MAG: variants seen among roughly 807,000 people sequenced by gnomAD.
The protein encoded by MAG is myelin associated glycoprotein.
MAG carries 30 observed loss-of-function variants against 60.7 expected under a neutral mutation model. The observed-to-expected ratio is 0.49, with a 90% CI of 0.37 to 0.67. MAG has a LOEUF of 0.67. MAG is among the 30% of genes least tolerant of loss of function. The pLI is 0.00. For synonymous variants in MAG, 384 were observed against 376.8 expected (o/e 1.02, Z -0.22); for missense variants, 795 against 851.7 (o/e 0.93, Z 0.83).
At chr19:35,312,157 T>C in intron 10 of MAG, 140 bp downstream of exon 10, 3 of 1,256,546 alleles carry the variant, frequency 2.4e-6, no homozygotes, top group South Asian at 2.4e-5. Flanking sequence ...CAGGGCTGGG[T>C]TGGACCTGGA....
rs187486614 is a variant in MAG at position 35,307,889 on chromosome 19, G to A, written c.1232-1985G>A. On this transcript the variant is annotated intron_variant, in intron 7 of 10. Transcript: ENST00000392213. ...GGGCCGGGGTTCAAGGCGGCTTTAG[G>A]GGAGGAAGTGGGGGGCATCTGCAGC... Among the ~76,000 whole-genome samples, 4 of 150,694 alleles carry A rather than the reference G, an allele frequency of 2.7e-5. No individual in the cohort carries two copies. In the South Asian group the frequency reaches 6.2e-4, roughly 24 times the overall value.
intron 9 of MAG, 88 bp from the exon 10 acceptor site, chr19:35,311,830 C>CCAGAGTTCTGA: frequency 1.2e-6 from 1 of 854,574 alleles, no homozygotes. Flanking sequence ...GGTGGGAGAA[C>CCAGAGTTCTGA]TCTGAGGTCC....
At chr19:35,294,859 A>C (rs2066384062) in intron 2 of MAG, among the ~76,000 whole-genome samples, 1 of 152,186 alleles carries the variant, frequency 6.6e-6, no homozygotes, top group Non-Finnish European at 1.5e-5. Flanking sequence ...GGATCGCTTA[A>C]GCCTGGCAGA....
Position 35,300,391 on chromosome 19 carries a change from G to C in MAG, c.957G>C (p.Gly319=), listed in dbSNP as rs200319885. ...NAYGQDNRTV[G]LSVMYAPWKP... ...ATGGCCAGGACAACCGCACCGTGGG[G>C]CTCAGTGTCATGTGTGAGTGGCCCA... Residue 319 remains glycine, a synonymous_variant, in exon 6 of 11, where the codon GGG becomes GGC. Transcript: ENST00000392213. 1.1e-4 allele frequency: 181 copies of C among 1,574,100 alleles called. No individual in the cohort carries two copies. Among genetic ancestry groups the C allele is most frequent in the African/African-American group, 2.3e-4 (17 of 74,674 alleles).
intron 7 of MAG, among the ~76,000 whole-genome samples, chr19:35,309,074 G>GGT (rs2066505557): frequency 6.6e-6 from 1 of 152,194 alleles, no homozygotes; most frequent in Non-Finnish European, 1.5e-5. Flanking sequence ...TGTATTACAA[G>GGT]GTGAATGAGG....
At chr19:35,309,742 A>C in intron 7 of MAG, 132 bp from the exon 8 acceptor site, 3 of 919,050 alleles carry the variant, frequency 3.3e-6, no homozygotes, top group Non-Finnish European at 5.0e-6. Flanking sequence ...AAGGAGGGGA[A>C]ATTGGAGGGC....
intron 6 of MAG, among the ~76,000 whole-genome samples, chr19:35,302,035 T>C (rs1274939558): frequency 6.6e-6 from 1 of 152,210 alleles, no homozygotes; most frequent in Non-Finnish European, 1.5e-5. Flanking sequence ...TCTTCCCATC[T>C]TACAAATTAC....
intron 9 of MAG, 83 bp downstream of exon 9, chr19:35,310,726 G>T: frequency 8.4e-7 from 1 of 1,187,338 alleles, no homozygotes; most frequent in Non-Finnish European, 1.2e-6. Flanking sequence ...GAGTGGGTGG[G>T]GGAAGGCAGC....
rs1719652172 is a variant in MAG, at chr19:35,309,970, C to T, written c.1328C>T (p.Ala443Val). The change falls in exon 8 of 11, where the codon GCC (alanine) becomes GTC (valine). Residue 443 changes from alanine (A) to valine (V), a missense_variant. By Grantham distance (64) the Ala-to-Val change is moderately conservative (BLOSUM62 0). Coordinates refer to ENST00000392213, the MANE Select transcript of MAG (RefSeq NM_002361.4). ...AAGTCCAACCCGGAGCCGTCCGTGGCCTTTGAGCTGCCATCGCGCAATGTG... is the reference window on the plus strand; with the variant it reads ...AAGTCCAACCCGGAGCCGTCCGTGGTCTTTGAGCTGCCATCGCGCAATGTG... ...VVKSNPEPSV[A>V]FELPSRNVTV... is the part of the protein sequence containing the mutation. 6.2e-7 allele frequency: 1 copy of T among 1,614,034 alleles called. No individual in the cohort carries two copies. Among genetic ancestry groups the T allele is most frequent in the Non-Finnish European group, 8.5e-7 (1 of 1,179,936 alleles).
chr19:35,313,183 T>G, intron 10 of MAG, 107 bp from the exon 11 acceptor site: 12 of 1,212,078 alleles, frequency 9.9e-6, no homozygotes, highest in East Asian at 2.6e-5. Context: ...CTCGCAGGGA[T>G]TTATTTGGGA....
intron 7 of MAG, among the ~76,000 whole-genome samples, chr19:35,308,326 C>T (rs750681929): frequency 2.0e-5 from 3 of 152,208 alleles, no homozygotes; most frequent in Admixed American, 6.5e-5. Flanking sequence ...GAAAGCTCCA[C>T]GATTTTCAGA....
chr19:35,300,067 G>A, intron 5 of MAG, 80 bp from the exon 6 acceptor site: 1 of 1,440,060 alleles, frequency 6.9e-7, no homozygotes, highest in Non-Finnish European at 9.1e-7. Flanking sequence ...ACAGTGTTGG[G>A]GGCGGGGCCG....
chr19:35,313,391 C>T lies in MAG; in HGVS notation c.1818C>T (p.Pro606=). Residue 606 remains proline (P), a synonymous_variant, in exon 11 of 11, where the codon CCC becomes CCT. Coordinates refer to ENST00000392213, the MANE Select transcript of MAG (RefSeq NM_002361.4). The stretch of plus-strand genomic sequence containing the variant: ...CTCACTCGGACCTGGGGAAACGGCC[C>T]ACCAAGGACAGCTACACGCTGACGG... ...SYSHSDLGKR[P]TKDSYTLTEE... is the part of the protein sequence containing the mutation. The T allele has an allele frequency of 6.2e-7, 1 of 1,614,100 alleles. No homozygotes were observed. The highest frequency in any genetic ancestry group is 8.5e-7 in the Non-Finnish European group (1 of 1,179,984).
At chr19:35,299,992 G>T (rs1472954261) in intron 5 of MAG, 142 bp downstream of exon 5, 112 of 1,022,782 alleles carry the variant, frequency 1.1e-4, no homozygotes, top group Non-Finnish European at 1.3e-4. Flanking sequence ...GGATTGGGGG[G>T]TTGGGTGGGA....
chr19:35,306,316 C>G (rs961768636), intron 7 of MAG, among the ~76,000 whole-genome samples: 14 of 152,076 alleles, frequency 9.2e-5, no homozygotes, highest in Non-Finnish European at 1.6e-4. Flanking sequence ...TTCCTTTGGA[C>G]TCCAGGTTAA....
chr19:35,303,476 A>G (rs1366896871), intron 7 of MAG, among the ~76,000 whole-genome samples: 1 of 152,170 alleles, frequency 6.6e-6, no homozygotes, highest in Admixed American at 6.6e-5. Context: ...CTAAGTTCCC[A>G]CAGCCAGGAA....
chr19:35,294,416 C>T, intron 2 of MAG, 126 bp downstream of exon 2: 1 of 389,610 alleles, frequency 2.6e-6, no homozygotes, highest in South Asian at 1.9e-5. Flanking sequence ...TAATGATCAG[C>T]ACATCATCAC....
chr19:35,303,741 G>A lies in MAG; in HGVS notation c.1231+1033G>A, dbSNP rs540720181. 9.1e-4 allele frequency among the ~76,000 whole-genome samples: 139 copies of A among 152,146 alleles called. 2 individuals carry two copies. Among genetic ancestry groups the A allele is most frequent in the Non-Finnish European group, 5.4e-4 (37 of 67,996 alleles). ...TGTCTTGGAAATGAAACTCACCATT[G>A]CACCGCTGGCCAGCGCCTCTCATCT... On this transcript the variant is annotated intron_variant, in intron 7 of 10. Transcript: ENST00000392213.
At position 35,310,589 on chromosome 19, in the gene MAG, T is replaced by G. The variant is rs200859403; in HGVS notation, c.1562T>G (p.Val521Gly). ...WAKIGPVGAV[V>G]AFAILIAIVC... The stretch of plus-strand genomic sequence containing the variant: ...AAGATCGGGCCTGTGGGCGCCGTGG[T>G]CGCCTTTGCCATCCTGATTGCCATC... The change falls in exon 9 of 11, where the codon GTC (valine) becomes GGC (glycine). Residue 521 changes from valine to glycine, a missense_variant. Coordinates refer to ENST00000392213, the MANE Select transcript of MAG (RefSeq NM_002361.4). 188 of 1,613,982 alleles carry G rather than the reference T, an allele frequency of 1.2e-4. 2 individuals are homozygous for G. Among genetic ancestry groups the G allele is most frequent in the Middle Eastern group, 3.3e-4 (2 of 6,084 alleles).
Sources: allele counts gnomAD v4.1 joint callset (sites outside exome capture counted in the v4.1 genomes callset), GRCh38; gene constraint gnomAD v4.1.1; transcripts MANE v1.5; gene names NCBI Gene and HGNC (gene_info 2026-07-23, HGNC 2026-07-21).